The following IGIP variants were observed in gnomAD, a reference collection of about 807,000 sequenced individuals.
The protein encoded by IGIP is IgA inducing protein.
Under a neutral mutation model 3.2 loss-of-function variants are expected in IGIP, and 1 was observed. The ratio of observed to expected loss-of-function variants is 0.32; its 90% CI spans 0.11 to 1.50. The LOEUF (loss-of-function observed/expected upper bound fraction) is 1.50. Among genes scored for constraint, IGIP ranks in the 40% most tolerant of loss-of-function variants. IGIP has a pLI of 0.39. For synonymous variants in IGIP, 20 were observed against 22.7 expected (o/e 0.88, Z 0.34); for missense variants, 64 against 69.0 (o/e 0.93, Z 0.26).
In IGIP at chr5:140,126,520, A is replaced by C. The variant is rs945606136; in HGVS notation, c.-1957A>C. ...ATAAATCAGTCTGGTTTGCCAATCC[A>C]GCTTGACTGAAATAAGTAAACCAAT... On this transcript the variant is annotated 5_prime_UTR_variant, in exon 1 of 1. Coordinates refer to ENST00000333305, the MANE Select transcript of IGIP (RefSeq NM_001007189.2). 3 of 167,128 alleles carry C rather than the reference A, an allele frequency of 1.8e-5. No homozygotes were observed. Among genetic ancestry groups the C allele is most frequent in the Non-Finnish European group, 4.4e-5 (3 of 68,130 alleles). 10.4% of individuals were successfully genotyped at this position (167,128 alleles called of 1,614,324 possible). A position where few individuals can be genotyped will look rare whatever the true frequency, so the allele number is the denominator to read the frequency against.
At position 140,127,441 on chromosome 5, in the gene IGIP, G is replaced by A. The variant is rs1763225718; in HGVS notation, c.-1036G>A. On this transcript the variant is annotated 5_prime_UTR_variant, in exon 1 of 1. Coordinates refer to ENST00000333305, the MANE Select transcript of IGIP (RefSeq NM_001007189.2). ...AATCTGTTGGGTTTTCAGCAGTCAG[G>A]GAAGGCCGGAGTTCTGCTTTAATCT... The A allele has an allele frequency of 6.0e-6, 1 of 167,064 alleles. No homozygotes were observed. Among genetic ancestry groups the A allele is most frequent in the Non-Finnish European group, 1.5e-5 (1 of 68,118 alleles). The allele number at this position is 167,064 out of a possible 1,614,324, so 10.3% of individuals were successfully genotyped here.
Position 140,125,996 on chromosome 5 carries a change from A to G in IGIP, c.-2481A>G, listed in dbSNP as rs906744165. ...TTCTTCAAATTAAAAAAAATTGAGA[A>G]GCAGCACTTTAAGTCTAACTCTACA... is the stretch of plus-strand genomic sequence containing the variant. On this transcript the variant is annotated 5_prime_UTR_variant, in exon 1 of 1. Coordinates refer to ENST00000333305, the MANE Select transcript of IGIP (RefSeq NM_001007189.2). 6.0e-6 allele frequency: 1 copy of G among 167,020 alleles called. No individual in the cohort carries two copies. The highest frequency in any genetic ancestry group is 1.5e-5 in the Non-Finnish European group (1 of 68,098). The allele number at this position is 167,020 out of a possible 1,614,324, so 10.3% of individuals were successfully genotyped here.
In IGIP at chr5:140,126,790, C is replaced by T. The variant is rs1763218515; in HGVS notation, c.-1687C>T. ...GCCAGCAGCCATATCCCTGAGTGCT[C>T]TGTGCCCATCAGATATCTTAAAGTA... is the stretch of plus-strand genomic sequence containing the variant. On this transcript the variant is annotated 5_prime_UTR_variant, in exon 1 of 1. Transcript: ENST00000333305. The T allele has an allele frequency of 6.0e-6, 1 of 167,072 alleles. No homozygotes were observed. The highest frequency in any genetic ancestry group is 2.4e-5 in the African/African-American group (1 of 41,442). 10.3% of individuals were successfully genotyped at this position (167,072 alleles called of 1,614,324 possible).
chr5:140,127,666 A>T lies in IGIP; in HGVS notation c.-811A>T, dbSNP rs1166384280. On this transcript the variant is annotated 5_prime_UTR_variant, in exon 1 of 1. Coordinates refer to ENST00000333305, the MANE Select transcript of IGIP (RefSeq NM_001007189.2). ...ACAATCCCAAACTGGAAGAAATTTTAAAAAAAGGAATCCTGCTGTGAAAGG... is the reference window on the plus strand; with the variant it reads ...ACAATCCCAAACTGGAAGAAATTTTTAAAAAAGGAATCCTGCTGTGAAAGG... 3.6e-5 allele frequency: 6 copies of T among 166,892 alleles called. No individual in the cohort carries two copies. Among genetic ancestry groups the T allele is most frequent in the African/African-American group, 7.2e-5 (3 of 41,482 alleles). The allele number at this position is 166,892 out of a possible 1,614,324, so 10.3% of individuals were successfully genotyped here.
At position 140,126,623 on chromosome 5, in the gene IGIP, CTT is replaced by C. The variant is rs1763217149; in HGVS notation, c.-1852_-1851del. On this transcript the variant is annotated 5_prime_UTR_variant, in exon 1 of 1. It introduces an in-frame stop codon into an upstream open reading frame of the 5' UTR. Transcript: ENST00000333305. ...CTTGGCTGATGTGGGAAGACTCCCA[CTT>C]TGATTACTGACCTGACAGTGAAGAT... 1 of 167,204 alleles carries C rather than the reference CTT, an allele frequency of 6.0e-6. No individual in the cohort carries two copies. Among genetic ancestry groups the C allele is most frequent in the South Asian group, 2.1e-4 (1 of 4,830 alleles). 10.4% of individuals were successfully genotyped at this position (167,204 alleles called of 1,614,324 possible).
chr5:140,128,656 T>C lies in IGIP; in HGVS notation c.*18T>C. On this transcript the variant is annotated 3_prime_UTR_variant, in exon 1 of 1. Coordinates refer to ENST00000333305, the MANE Select transcript of IGIP (RefSeq NM_001007189.2). ...AAAGCTGAAAACTAGCGAGGTCTGC[T>C]GTACTGCTTATTGAAGTATTGTGAT... 6.3e-7 allele frequency: 1 copy of C among 1,595,182 alleles called. No homozygotes were observed. Among genetic ancestry groups the C allele is most frequent in the East Asian group, 2.3e-5 (1 of 44,094 alleles).
At position 140,128,523 on chromosome 5, in the gene IGIP, A is replaced by G. The variant is rs139544518; in HGVS notation, c.47A>G (p.Asn16Ser). The G allele has an allele frequency of 6.2e-7, 1 of 1,609,566 alleles. No individual in the cohort carries two copies. The highest frequency in any genetic ancestry group is 8.5e-7 in the Non-Finnish European group (1 of 1,178,564). ...HMKKRSVSGCNITIFAVMFSH... is the reference protein window; with the variant it reads ...HMKKRSVSGCSITIFAVMFSH... Reference sequence around the variant, plus strand: ...AAGAAACGCAGTGTGTCGGGCTGTAATATTACCATATTTGCTGTCATGTTC... The same window carrying G: ...AAGAAACGCAGTGTGTCGGGCTGTAGTATTACCATATTTGCTGTCATGTTC... The change falls in exon 1 of 1, where the codon AAT (asparagine) becomes AGT (serine). Residue 16 changes from asparagine (N) to serine (S), a missense_variant. Transcript: ENST00000333305.
Position 140,126,789 on chromosome 5 carries a change from T to C in IGIP, c.-1688T>C, listed in dbSNP as rs1763218491. Reference sequence around the variant, plus strand: ...AGCCAGCAGCCATATCCCTGAGTGCTCTGTGCCCATCAGATATCTTAAAGT... The same window carrying C: ...AGCCAGCAGCCATATCCCTGAGTGCCCTGTGCCCATCAGATATCTTAAAGT... On this transcript the variant is annotated 5_prime_UTR_variant, in exon 1 of 1. Coordinates refer to ENST00000333305, the MANE Select transcript of IGIP (RefSeq NM_001007189.2). 1 of 167,074 alleles carries C rather than the reference T, an allele frequency of 6.0e-6. No homozygotes were observed. Among genetic ancestry groups the C allele is most frequent in the South Asian group, 2.1e-4 (1 of 4,830 alleles). The allele number at this position is 167,074 out of a possible 1,614,324, so 10.3% of individuals were successfully genotyped here.
At position 140,126,435 on chromosome 5, in the gene IGIP, C is replaced by G. The variant is rs1763214630; in HGVS notation, c.-2042C>G. 1 of 166,918 alleles carries G rather than the reference C, an allele frequency of 6.0e-6. No individual in the cohort carries two copies. The highest frequency in any genetic ancestry group is 2.1e-4 in the South Asian group (1 of 4,828). The allele number at this position is 166,918 out of a possible 1,614,324, so 10.3% of individuals were successfully genotyped here. ...AATTTTCTCTGTCAGTGTATTTAGC[C>G]CAAATACAACAGCTTTGGGTTAGCA... On this transcript the variant is annotated 5_prime_UTR_variant, in exon 1 of 1. Coordinates refer to ENST00000333305, the MANE Select transcript of IGIP (RefSeq NM_001007189.2).
rs569910542 is a variant in IGIP at position 140,126,313 on chromosome 5, T to C, written c.-2164T>C. ...CAAAAAGGAAATAACATTAAACACT[T>C]AAACAGACGTTGTTGGGTAGAAATA... On this transcript the variant is annotated 5_prime_UTR_variant, in exon 1 of 1. The change abolishes the stop of an existing upstream ORF in the 5' untranslated region. Transcript: ENST00000333305. 1.2e-5 allele frequency: 2 copies of C among 167,102 alleles called. No homozygotes were observed. The highest frequency in any genetic ancestry group is 2.9e-5 in the Non-Finnish European group (2 of 68,110). The allele number at this position is 167,102 out of a possible 1,614,324, so 10.4% of individuals were successfully genotyped here. A position where few individuals can be genotyped will look rare whatever the true frequency, so the allele number is the denominator to read the frequency against.
At position 140,127,425 on chromosome 5, in the gene IGIP, G is replaced by C. The variant is rs1311526126; in HGVS notation, c.-1052G>C. 1 of 167,076 alleles carries C rather than the reference G, an allele frequency of 6.0e-6. No individual in the cohort carries two copies. The highest frequency in any genetic ancestry group is 1.5e-5 in the Non-Finnish European group (1 of 68,122). 10.3% of individuals were successfully genotyped at this position (167,076 alleles called of 1,614,324 possible). A position where few individuals can be genotyped will look rare whatever the true frequency, so the allele number is the denominator to read the frequency against. On this transcript the variant is annotated 5_prime_UTR_variant, in exon 1 of 1. Transcript: ENST00000333305. ...TATAGCATGTTGAGAAAATCTGTTGGGTTTTCAGCAGTCAGGGAAGGCCGG... is the reference window on the plus strand; with the variant it reads ...TATAGCATGTTGAGAAAATCTGTTGCGTTTTCAGCAGTCAGGGAAGGCCGG...
Position 140,129,017 on chromosome 5 carries a change from T to A in IGIP, c.*379T>A, listed in dbSNP as rs987220503. Reference sequence around the variant, plus strand: ...ATTTTAAGGTAGGTTTGCTTATTTTTAAAAATGTTATGTGAATGGCCTCCC... The same window carrying A: ...ATTTTAAGGTAGGTTTGCTTATTTTAAAAAATGTTATGTGAATGGCCTCCC... On this transcript the variant is annotated 3_prime_UTR_variant, in exon 1 of 1. Coordinates refer to ENST00000333305, the MANE Select transcript of IGIP (RefSeq NM_001007189.2). 8.7e-5 allele frequency: 14 copies of A among 160,614 alleles called. No homozygotes were observed. Among genetic ancestry groups the A allele is most frequent in the Non-Finnish European group, 6.8e-5 (5 of 73,956 alleles). The allele number at this position is 160,614 out of a possible 1,614,324, so 9.9% of individuals were successfully genotyped here. A position where few individuals can be genotyped will look rare whatever the true frequency, so the allele number is the denominator to read the frequency against.
chr5:140,128,848 A>G lies in IGIP; in HGVS notation c.*210A>G, dbSNP rs189527712. 2.2e-5 allele frequency: 11 copies of G among 505,434 alleles called. No homozygotes were observed. The East Asian group carries it at 3.1e-4, about 14-fold the overall frequency. 31.3% of individuals were successfully genotyped at this position (505,434 alleles called of 1,614,324 possible). A position where few individuals can be genotyped will look rare whatever the true frequency, so the allele number is the denominator to read the frequency against. Reference sequence around the variant, plus strand: ...CTTTTGTTTCAGTGCTTTTTGGGGGAAGGGGTCTGGTTGCGATCTTGGATT... The same window carrying G: ...CTTTTGTTTCAGTGCTTTTTGGGGGGAGGGGTCTGGTTGCGATCTTGGATT... On this transcript the variant is annotated 3_prime_UTR_variant, in exon 1 of 1. Coordinates refer to ENST00000333305, the MANE Select transcript of IGIP (RefSeq NM_001007189.2).
chr5:140,128,605 C>A lies in IGIP; in HGVS notation c.129C>A (p.Ile43=). ...GAAACCAAGCAAACGTGTTGTGCATCAGCCGGCTTGAGTTTGTTCAATATC... is the reference window on the plus strand; with the variant it reads ...GAAACCAAGCAAACGTGTTGTGCATAAGCCGGCTTGAGTTTGTTCAATATC... ...PCGNQANVLC[I]SRLEFVQYQS Residue 43 remains isoleucine, a synonymous_variant, in exon 1 of 1, where the codon ATC becomes ATA. Coordinates refer to ENST00000333305, the MANE Select transcript of IGIP (RefSeq NM_001007189.2). 6.2e-7 allele frequency: 1 copy of A among 1,612,806 alleles called. No homozygotes were observed. Among genetic ancestry groups the A allele is most frequent in the South Asian group, 1.1e-5 (1 of 90,664 alleles).
rs1763217929 is a variant in IGIP, at chr5:140,126,719, A to G, written c.-1758A>G. 6.0e-6 allele frequency: 1 copy of G among 167,026 alleles called. No individual in the cohort carries two copies. Among genetic ancestry groups the G allele is most frequent in the Non-Finnish European group, 1.5e-5 (1 of 68,116 alleles). The allele number at this position is 167,026 out of a possible 1,614,324, so 10.3% of individuals were successfully genotyped here. ...AGCTATGGTACAGTTTGCTAATTCA[A>G]TCCCAGATACCTGTTGATTACCTGT... On this transcript the variant is annotated 5_prime_UTR_variant, in exon 1 of 1. Coordinates refer to ENST00000333305, the MANE Select transcript of IGIP (RefSeq NM_001007189.2).
rs1453937758 is a variant in IGIP at position 140,128,579 on chromosome 5, G to A, written c.103G>A (p.Gly35Arg). ...SHLSAGKSPC[G>R]NQANVLCISR... Reference sequence around the variant, plus strand: ...TCTCAGTGCTGGGAAATCACCATGTGGAAACCAAGCAAACGTGTTGTGCAT... The same window carrying A: ...TCTCAGTGCTGGGAAATCACCATGTAGAAACCAAGCAAACGTGTTGTGCAT... The change falls in exon 1 of 1, where the codon GGA (glycine) becomes AGA (arginine). Residue 35 changes from glycine to arginine, a missense_variant. Coordinates refer to ENST00000333305, the MANE Select transcript of IGIP (RefSeq NM_001007189.2). 6.2e-7 allele frequency: 1 copy of A among 1,611,600 alleles called. No homozygotes were observed. Among genetic ancestry groups the A allele is most frequent in the Non-Finnish European group, 8.5e-7 (1 of 1,179,298 alleles).
Position 140,128,726 on chromosome 5 carries a change from A to AT in IGIP, c.*88_*89insT. 9.3e-7 allele frequency: 1 copy of AT among 1,079,738 alleles called. No individual in the cohort carries two copies. The highest frequency in any genetic ancestry group is 1.3e-6 in the Non-Finnish European group (1 of 746,230). 66.9% of individuals were successfully genotyped at this position (1,079,738 alleles called of 1,614,324 possible). The stretch of plus-strand genomic sequence containing the variant: ...TACAAAATATATACTGTAACAGTAT[A>AT]CTTTGTACAGATTTAAATTTTATTT... On this transcript the variant is annotated 3_prime_UTR_variant, in exon 1 of 1. Transcript: ENST00000333305.
At position 140,128,544 on chromosome 5, in the gene IGIP, T is replaced by A; in HGVS notation, c.68T>A (p.Met23Lys). The A allele has an allele frequency of 6.2e-7, 1 of 1,610,528 alleles. No homozygotes were observed. Among genetic ancestry groups the A allele is most frequent in the Non-Finnish European group, 8.5e-7 (1 of 1,178,914 alleles). The change falls in exon 1 of 1, where the codon ATG becomes AAG. Residue 23 changes from methionine to lysine, a missense_variant. Coordinates refer to ENST00000333305, the MANE Select transcript of IGIP (RefSeq NM_001007189.2). The stretch of plus-strand genomic sequence containing the variant: ...TGTAATATTACCATATTTGCTGTCA[T>A]GTTCTCCCATCTCAGTGCTGGGAAA... Reference protein sequence around the residue: ...SGCNITIFAVMFSHLSAGKSP... With the variant: ...SGCNITIFAVKFSHLSAGKSP...
At position 140,128,169 on chromosome 5, in the gene IGIP, A is replaced by G. The variant is rs1012554622; in HGVS notation, c.-308A>G. ...TTTTATAGTGAAACATTTTAATGAC[A>G]ATTTAAAAATTTATCTTCTCTAAAG... On this transcript the variant is annotated 5_prime_UTR_variant, in exon 1 of 1. Transcript: ENST00000333305. 2.9e-5 allele frequency: 6 copies of G among 207,660 alleles called. No individual in the cohort carries two copies. The highest frequency in any genetic ancestry group is 6.3e-5 in the Non-Finnish European group (6 of 95,600). The allele number at this position is 207,660 out of a possible 1,614,324, so 12.9% of individuals were successfully genotyped here.
Sources: allele counts gnomAD v4.1 joint callset, GRCh38; gene constraint gnomAD v4.1.1; transcripts MANE v1.5; gene names NCBI Gene and HGNC (gene_info 2026-07-23, HGNC 2026-07-21).